The following TMC5 variants were observed in gnomAD, a reference collection of about 807,000 sequenced individuals.
TMC5 encodes the protein transmembrane channel-like protein 5.
In TMC5, 86 loss-of-function variants were observed where a neutral mutation model predicts 110.5. The observed-to-expected ratio is 0.78, with a 90% CI of 0.65 to 0.93. The LOEUF is 0.93. TMC5 is among the 40% of genes least tolerant of loss of function. The pLI, the probability that TMC5 is intolerant of heterozygous loss-of-function variation, is 0.00. For missense variants in TMC5, 1,144 were observed against 1,222.8 expected (o/e 0.94, Z 0.96); for synonymous variants, 455 against 439.5 (o/e 1.04, Z -0.44).
intron 6 of TMC5, among the ~76,000 whole-genome samples, chr16:19,461,749 A>G (rs1019937958): frequency 6.6e-6 from 1 of 151,946 alleles, no homozygotes; most frequent in Non-Finnish European, 1.5e-5. Context: ...GGCAGAAAGT[A>G]GTAGAGTGGA....
At chr16:19,414,724 T>C (rs1036524285), upstream of TMC5, among the ~76,000 whole-genome samples, 2 of 151,618 alleles carry the variant, frequency 1.3e-5, no homozygotes, top group Non-Finnish European at 2.9e-5. Context: ...CTAGGCAACA[T>C]AGGGAGACCA....
intron 20 of TMC5, 134 bp downstream of exon 20, chr16:19,494,500 G>T: frequency 3.3e-6 from 2 of 606,808 alleles, no homozygotes; most frequent in Non-Finnish European, 5.8e-6. Context: ...GTATTTCTGT[G>T]GTTTTTACTT....
At chr16:19,497,001 C>G in intron 20 of TMC5, 120 bp from the exon 21 acceptor site, 1 of 899,454 alleles carries the variant, frequency 1.1e-6, no homozygotes, top group Non-Finnish European at 1.8e-6. Context: ...TGGCCTTAAT[C>G]TCTCATCCCT....
At chr16:19,484,956 T>C (rs149745744) in intron 15 of TMC5, among the ~76,000 whole-genome samples, 25 of 151,592 alleles carry the variant, frequency 1.6e-4, no homozygotes, top group Middle Eastern at 3.4e-3. Flanking sequence ...GAAGATAATA[T>C]AATGACAGAA....
intron 3 of TMC5, among the ~76,000 whole-genome samples, chr16:19,441,783 G>GT (rs1368974403): frequency 3.3e-5 from 5 of 151,810 alleles, no homozygotes; most frequent in Non-Finnish European, 7.4e-5. Flanking sequence ...TGTTGTTGTT[G>GT]TTTTTTATTT....
intron 4 of TMC5, among the ~76,000 whole-genome samples, chr16:19,446,072 G>C (rs1967608012): frequency 7.0e-6 from 1 of 143,044 alleles, no homozygotes; most frequent in Non-Finnish European, 1.5e-5. Flanking sequence ...GAGGGGAGGG[G>C]AGGGGAGGGG....
At chr16:19,441,938 G>C (rs1338927743) in intron 3 of TMC5, among the ~76,000 whole-genome samples, 1 of 152,138 alleles carries the variant, frequency 6.6e-6, no homozygotes, top group African/African-American at 2.4e-5. Context: ...TGAGTAGCTG[G>C]GATTACAGGC....
At chr16:19,445,636 A>G (rs1359015191) in intron 4 of TMC5, among the ~76,000 whole-genome samples, 1 of 152,082 alleles carries the variant, frequency 6.6e-6, no homozygotes, top group Non-Finnish European at 1.5e-5. Context: ...TGTTAAAGGA[A>G]TTTGGAACCT....
intron 9 of TMC5, among the ~76,000 whole-genome samples, chr16:19,469,284 G>T (rs928106286): frequency 6.6e-6 from 1 of 151,776 alleles, no homozygotes; most frequent in African/African-American, 2.4e-5. Context: ...AACCTTGGAG[G>T]TGGAGGTTGC....
Position 19,448,304 on chromosome 16 carries a change from G to GCACA in TMC5, c.959-1218_959-1215dup, listed in dbSNP as rs35504788. ...GTGCAACCATTATTTACACACACAC[G>GCACA]CACACACACACACACACACACACTT... is the stretch of plus-strand genomic sequence containing the variant. On this transcript the variant is annotated intron_variant, in intron 4 of 21. Transcript: ENST00000542583. Among the ~76,000 whole-genome samples, 850 of 142,276 alleles carry GCACA rather than the reference G, an allele frequency of 6.0e-3. 9 individuals carry two copies. Among genetic ancestry groups the GCACA allele is most frequent in the African/African-American group, 0.022 (778 of 35,748 alleles). 93.3% of individuals were successfully genotyped at this position (142,276 alleles called of 152,430 possible).
chr16:19,429,474 A>G (rs1283786085), intron 1 of TMC5, among the ~76,000 whole-genome samples: 2 of 152,210 alleles, frequency 1.3e-5, no homozygotes, highest in Non-Finnish European at 2.9e-5. Context: ...TCATTACACT[A>G]ATACACATTC....
At chr16:19,471,168 A>T (rs898142884) in intron 10 of TMC5, among the ~76,000 whole-genome samples, 1 of 152,102 alleles carries the variant, frequency 6.6e-6, no homozygotes, top group African/African-American at 2.4e-5. Flanking sequence ...AATTCACTGC[A>T]GTGTCGACCT....
At chr16:19,418,909 A>G (rs1966917084) in intron 1 of TMC5, among the ~76,000 whole-genome samples, 1 of 152,048 alleles carries the variant, frequency 6.6e-6, no homozygotes, top group Admixed American at 6.6e-5. Flanking sequence ...TATGATTTTT[A>G]GTAGAGACAA....
intron 19 of TMC5, among the ~76,000 whole-genome samples, chr16:19,492,943 A>ATATATATATATATAT (rs61334845): frequency 0.061 from 5,563 of 90,606 alleles, 1,136 homozygotes; most frequent in Non-Finnish European, 0.09. Flanking sequence ...TCTCTCTATA[A>ATATATATATATATAT]GATAAATACT....
chr16:19,491,102 T>C (rs1265404399), intron 18 of TMC5, among the ~76,000 whole-genome samples: 1 of 151,924 alleles, frequency 6.6e-6, no homozygotes, highest in Non-Finnish European at 1.5e-5. Context: ...CCTCAACCTT[T>C]CAGGCTCAAG....
chr16:19,421,776 C>G (rs1172863710), intron 1 of TMC5, among the ~76,000 whole-genome samples: 1 of 152,134 alleles, frequency 6.6e-6, no homozygotes, highest in Non-Finnish European at 1.5e-5. Flanking sequence ...GAATGTGGAA[C>G]AAATCAGAGT....
intron 10 of TMC5, among the ~76,000 whole-genome samples, chr16:19,470,471 G>T (rs1294618005): frequency 6.6e-6 from 1 of 152,158 alleles, no homozygotes; most frequent in Non-Finnish European, 1.5e-5. Context: ...ACAGGCGTGA[G>T]CCAGCCAAGG....
chr16:19,455,479 G>A (rs1967845260), intron 5 of TMC5, among the ~76,000 whole-genome samples: 1 of 151,852 alleles, frequency 6.6e-6, no homozygotes. Flanking sequence ...CATGGAGGGA[G>A]GAAGTGCAAA....
At chr16:19,418,146 TGCTTGGGAAC>T (rs1338305891) in intron 1 of TMC5, 54 bp downstream of exon 1, 2 of 152,378 alleles carry the variant, frequency 1.3e-5, no homozygotes, top group East Asian at 3.9e-4. Context: ...TAATGCGGAA[TGCTTGGGAAC>T]GTGTCAGCGA....
Sources: allele counts gnomAD v4.1 joint callset (sites outside exome capture counted in the v4.1 genomes callset), GRCh38; gene constraint gnomAD v4.1.1; transcripts MANE v1.5; gene names NCBI Gene and HGNC (gene_info 2026-07-23, HGNC 2026-07-21).